Variants in PARD3 observed in about 807,000 individuals in gnomAD.
The protein encoded by PARD3 is partitioning defective 3 homolog.
A neutral mutation model predicts 155.4 loss-of-function variants in PARD3; 75 were observed. The ratio of observed to expected loss-of-function variants is 0.48; its 90% CI spans 0.40 to 0.58. The LOEUF (loss-of-function observed/expected upper bound fraction) is 0.58, where lower values mean the gene tolerates loss of function less well. PARD3 is among the 20% of genes least tolerant of loss of function. The pLI is 0.00. For missense variants in PARD3, 1,642 were observed against 1,721.7 expected (o/e 0.95, Z 0.82); for synonymous variants, 576 against 610.5 (o/e 0.94, Z 0.83).
At chr10:34,581,514 G>A (rs923861376) in intron 2 of PARD3, among the ~76,000 whole-genome samples, 6 of 151,788 alleles carry the variant, frequency 4.0e-5, no homozygotes, top group Non-Finnish European at 7.4e-5. Context: ...GATTACAGGC[G>A]TGAGCCACCG....
intron 22 of PARD3, among the ~76,000 whole-genome samples, chr10:34,147,130 C>CT (rs1289122684): frequency 1.3e-5 from 2 of 151,934 alleles, no homozygotes; most frequent in African/African-American, 4.8e-5. Flanking sequence ...TCATGACTCA[C>CT]TGTTGAGTAC....
rs146452168 is a variant in PARD3, at chr10:34,407,046, G to A, written c.715-5129C>T. Among the ~76,000 whole-genome samples the A allele has an allele frequency of 1.6e-3, 241 of 152,146 alleles. 2 individuals carry two copies. The highest frequency in any genetic ancestry group is 0.014 in the Middle Eastern group (4 of 294). ...AACAGATGTCAGTAACTGGTAATCA[G>A]GAAAGAGCAACATAAATATATTATT... On this transcript the variant is annotated intron_variant, in intron 5 of 24. Transcript: ENST00000374788.
At chr10:34,164,582 T>A (rs1949432566) in intron 22 of PARD3, among the ~76,000 whole-genome samples, 1 of 152,202 alleles carries the variant, frequency 6.6e-6, no homozygotes, top group African/African-American at 2.4e-5. Context: ...TAAGCAGGCG[T>A]CTGAATGAAC....
chr10:34,227,852 T>TATATATA (rs1554813974), intron 22 of PARD3, among the ~76,000 whole-genome samples: 1 of 31,396 alleles, frequency 3.2e-5, no homozygotes, highest in Admixed American at 3.8e-4. Flanking sequence ...ATGGGAATTA[T>TATATATA]TTTTTATATA....
intron 1 of PARD3, among the ~76,000 whole-genome samples, chr10:34,750,853 T>C (rs1008645355): frequency 1.3e-5 from 2 of 152,012 alleles, no homozygotes. Context: ...CACACTCAGC[T>C]AGTTTTTGTA....
intron 22 of PARD3, among the ~76,000 whole-genome samples, chr10:34,235,451 C>T (rs1318780066): frequency 6.6e-6 from 1 of 152,204 alleles, no homozygotes; most frequent in African/African-American, 2.4e-5. Context: ...AAATTGTTTG[C>T]CCTTGTCGTG....
chr10:34,260,036 C>T (rs553139464), intron 22 of PARD3, among the ~76,000 whole-genome samples: 86 of 152,238 alleles, frequency 5.6e-4, no homozygotes, highest in African/African-American at 1.8e-3. Flanking sequence ...GACGGGGTCT[C>T]ACTGTGTTGC....
At chr10:34,431,174 T>C (rs1186887175) in intron 5 of PARD3, among the ~76,000 whole-genome samples, 1 of 152,170 alleles carries the variant, frequency 6.6e-6, no homozygotes, top group African/African-American at 2.4e-5. Context: ...GCTCTGCACA[T>C]GAATAACACC....
At chr10:34,793,135 G>A (rs1035912102) in intron 1 of PARD3, among the ~76,000 whole-genome samples, 3 of 152,138 alleles carry the variant, frequency 2.0e-5, no homozygotes, top group Non-Finnish European at 2.9e-5. Flanking sequence ...CTGGGGAGCC[G>A]GGGGGCCGTC....
At chr10:34,677,883 T>C (rs1315284608) in intron 2 of PARD3, among the ~76,000 whole-genome samples, 2 of 152,164 alleles carry the variant, frequency 1.3e-5, no homozygotes, top group African/African-American at 4.8e-5. Flanking sequence ...ATCTTTACTT[T>C]TTATCTGTTA....
intron 2 of PARD3, among the ~76,000 whole-genome samples, chr10:34,628,330 A>G (rs1051757387): frequency 6.6e-6 from 1 of 152,216 alleles, no homozygotes; most frequent in Non-Finnish European, 1.5e-5. Flanking sequence ...CTCTGTGTAC[A>G]TATTAAGTAA....
chr10:34,480,290 G>A (rs1183976543), intron 3 of PARD3, among the ~76,000 whole-genome samples: 1 of 152,222 alleles, frequency 6.6e-6, no homozygotes, highest in Non-Finnish European at 1.5e-5. Flanking sequence ...AGGCTGGAGT[G>A]CAGTGCAAGA....
intron 2 of PARD3, among the ~76,000 whole-genome samples, chr10:34,572,374 C>A (rs2134165168): frequency 6.6e-6 from 1 of 152,200 alleles, no homozygotes; most frequent in South Asian, 2.1e-4. Context: ...CACGATGGCT[C>A]ACACCTGTAA....
intron 23 of PARD3, among the ~76,000 whole-genome samples, 187 bp downstream of exon 23, chr10:34,131,276 A>G (rs1190311501): frequency 6.6e-6 from 1 of 152,250 alleles, no homozygotes; most frequent in Non-Finnish European, 1.5e-5. Flanking sequence ...ATGGTGGAAC[A>G]AGATATAAAA....
intron 1 of PARD3, among the ~76,000 whole-genome samples, chr10:34,759,416 A>C (rs533704801): frequency 1.3e-5 from 2 of 152,364 alleles, no homozygotes; most frequent in South Asian, 4.1e-4. Context: ...CTAAAGTAGA[A>C]TATCACATTT....
At chr10:34,322,063 T>C (rs1020457598) in intron 19 of PARD3, among the ~76,000 whole-genome samples, 1 of 152,152 alleles carries the variant, frequency 6.6e-6, no homozygotes, top group Non-Finnish European at 1.5e-5. Context: ...TAGAACTCTG[T>C]GTCCAGGAAT....
chr10:34,459,856 C>T (rs1372372895), intron 4 of PARD3, among the ~76,000 whole-genome samples: 4 of 152,034 alleles, frequency 2.6e-5, no homozygotes, highest in Non-Finnish European at 5.9e-5. Flanking sequence ...GCCCACAATC[C>T]AAACTCCAAT....
chr10:34,508,732 C>T (rs952045136), intron 3 of PARD3, among the ~76,000 whole-genome samples: 9 of 152,146 alleles, frequency 5.9e-5, no homozygotes, highest in Admixed American at 5.9e-4. Flanking sequence ...AGTTCCACTC[C>T]ATCTACCTAA....
chr10:34,397,833 A>T (rs375747344), intron 7 of PARD3, among the ~76,000 whole-genome samples: 13 of 152,322 alleles, frequency 8.5e-5, no homozygotes, highest in African/African-American at 2.9e-4. Context: ...TTTAAGACAT[A>T]TGCATATCGG....
Sources: allele counts gnomAD v4.1 joint callset (sites outside exome capture counted in the v4.1 genomes callset), GRCh38; gene constraint gnomAD v4.1.1; transcripts MANE v1.5; gene names NCBI Gene and HGNC (gene_info 2026-07-23, HGNC 2026-07-21).